The following GPR157 variants were observed in gnomAD, a reference collection of about 807,000 sequenced individuals.
The protein encoded by GPR157 is G protein-coupled receptor 157.
GPR157 carries 16 observed loss-of-function variants against 23.5 expected under a neutral mutation model. The ratio of observed to expected loss-of-function variants is 0.68; its 90% CI spans 0.46 to 1.04. GPR157 has a LOEUF of 1.04. GPR157 is among the 50% of genes least tolerant of loss of function. The pLI is 0.00. For missense variants in GPR157, 440 were observed against 460.7 expected (o/e 0.96, Z 0.41); for synonymous variants, 200 against 221.5 (o/e 0.90, Z 0.86).
intron 1 of GPR157, among the ~76,000 whole-genome samples, chr1:9,112,065 C>T (rs1638520347): frequency 2.6e-5 from 4 of 152,206 alleles, no homozygotes; most frequent in Admixed American, 6.5e-5. Flanking sequence ...TTGTGAGTCA[C>T]GTCCTGCTGT....
intron 2 of GPR157, 188 bp downstream of exon 2, chr1:9,111,088 C>T (rs143885094): frequency 2.1e-4 from 137 of 647,950 alleles, no homozygotes; most frequent in African/African-American, 1.6e-3. Flanking sequence ...AACCAATGCA[C>T]GATCCGTGTA....
In GPR157 at chr1:9,120,372, A is replaced by C. The variant is rs1355471298; in HGVS notation, c.383+8273T>G. Among the ~76,000 whole-genome samples the C allele has an allele frequency of 6.6e-6, 1 of 152,202 alleles. No homozygotes were observed. The highest frequency in any genetic ancestry group is 6.5e-5 in the Admixed American group (1 of 15,280). Reference sequence around the variant, plus strand: ...CTGGGCCAAACACAATGCCTGGTGTAGGTACCATGAGACCTGGGGATGTTA... The same window carrying C: ...CTGGGCCAAACACAATGCCTGGTGTCGGTACCATGAGACCTGGGGATGTTA... On this transcript the variant is annotated intron_variant, in intron 1 of 3. Transcript: ENST00000377411. The surrounding 1 kb of genome is among the most constrained non-coding windows in gnomAD (Gnocchi z 4.1).
At chr1:9,127,404 A>T (rs1315527599) in intron 1 of GPR157, among the ~76,000 whole-genome samples, 1 of 150,196 alleles carries the variant, frequency 6.7e-6, no homozygotes, top group Non-Finnish European at 1.5e-5. Context: ...TACAGCCTCG[A>T]CTCCTTCCAA....
rs372007595 is a variant in GPR157 at position 9,128,690 on chromosome 1, C to A, written c.338G>T (p.Arg113Leu). The A allele has an allele frequency of 2.6e-5, 42 of 1,613,110 alleles. No individual in the cohort carries two copies. Among genetic ancestry groups the A allele is most frequent in the Non-Finnish European group, 3.4e-5 (40 of 1,179,924 alleles). The change falls in exon 1 of 4, where the codon CGC becomes CTC. Residue 113 changes from arginine to leucine, a missense_variant. Physicochemically the swap from Arg to Leu is moderately radical, Grantham distance 102. Coordinates refer to ENST00000377411, the MANE Select transcript of GPR157 (RefSeq NM_024980.5). The surrounding 1 kb of genome is among the most constrained non-coding windows in gnomAD (Gnocchi z 6.3). ...AAGCAGGCGATCTGTGCGAGGCCCG[C>A]GCGCGGCGCGGACGATGCTGAGGTA... ...YLYLSIVRAA[R>L]GPRTDRLLWA...
chr1:9,105,459 G>T lies in GPR157; in HGVS notation c.792+27C>A. 6.6e-7 allele frequency: 1 copy of T among 1,518,266 alleles called. No homozygotes were observed. 94.0% of individuals were successfully genotyped at this position (1,518,266 alleles called of 1,614,324 possible). A position where few individuals can be genotyped will look rare whatever the true frequency, so the allele number is the denominator to read the frequency against. On this transcript the variant is annotated intron_variant, in intron 3 of 3. Coordinates refer to ENST00000377411, the MANE Select transcript of GPR157 (RefSeq NM_024980.5). This position sits in a 1 kb window ranked among gnomAD's most constrained non-coding sequence, Gnocchi z 4.8. ...CTGTGCCTCCTCTGGGGGCAGGGAC[G>T]ACAAGGGCCAGGGAGGGCAGACCTA...
chr1:9,127,269 A>G (rs997343886), intron 1 of GPR157, among the ~76,000 whole-genome samples: 4 of 152,122 alleles, frequency 2.6e-5, no homozygotes, highest in Admixed American at 6.5e-5. Context: ...CCCCCAACTC[A>G]GGTTTGCTGG....
At position 9,105,005 on chromosome 1, in the gene GPR157, C is replaced by CT. The variant is rs1360906784; in HGVS notation, c.793-372_793-371insA. ...ACAAAGCCAGACTCTGTCCCCGCAC[C>CT]CCCCCCCAAAAAAGAGAAATGGCTG... is the stretch of plus-strand genomic sequence containing the variant. On this transcript the variant is annotated intron_variant, in intron 3 of 3. Transcript: ENST00000377411. This position sits in a 1 kb window ranked among gnomAD's most constrained non-coding sequence, Gnocchi z 4.8. Among the ~76,000 whole-genome samples the CT allele has an allele frequency of 7.1e-6, 1 of 140,674 alleles. No homozygotes were observed. The highest frequency in any genetic ancestry group is 2.4e-4 in the South Asian group (1 of 4,244). 92.3% of individuals were successfully genotyped at this position (140,674 alleles called of 152,430 possible). A position where few individuals can be genotyped will look rare whatever the true frequency, so the allele number is the denominator to read the frequency against.
rs61785838 is a variant in GPR157, at chr1:9,125,885, C to A, written c.383+2760G>T. On this transcript the variant is annotated intron_variant, in intron 1 of 3. Transcript: ENST00000377411. ...AGGGGTATGAACCAAATACTTTCTA[C>A]AAAGACTATTTCAATTCACACCATC... is the stretch of plus-strand genomic sequence containing the variant. 3.7e-3 allele frequency among the ~76,000 whole-genome samples: 568 copies of A among 151,762 alleles called. 4 individuals carry two copies. Among genetic ancestry groups the A allele is most frequent in the African/African-American group, 0.013 (530 of 41,380 alleles).
At position 9,104,518 on chromosome 1, in the gene GPR157, G is replaced by T; in HGVS notation, c.909C>A (p.Pro303=). 6.2e-7 allele frequency: 1 copy of T among 1,613,884 alleles called. No individual in the cohort carries two copies. The highest frequency in any genetic ancestry group is 1.7e-5 in the Admixed American group (1 of 60,006). The change falls in exon 4 of 4, where the codon CCC becomes CCA. Residue 303 remains proline, a synonymous_variant. Transcript: ENST00000377411. ...TGGGAGTGCCAGCCGGGCTCTTGGT[G>T]GGAGGCTGAGAAGAGCAGCAGCAGC... ...LCCCCCSSQP[P]TKSPAGTPKA... is the part of the protein sequence containing the mutation.
At chr1:9,119,907 G>A (rs190148505) in intron 1 of GPR157, among the ~76,000 whole-genome samples, 2 of 152,282 alleles carry the variant, frequency 1.3e-5, no homozygotes, top group Admixed American at 1.3e-4. Flanking sequence ...GCGTGGTGTC[G>A]TGGTGTCGGT....
At chr1:9,124,172 C>A (rs1380754755) in intron 1 of GPR157, among the ~76,000 whole-genome samples, 2 of 152,174 alleles carry the variant, frequency 1.3e-5, no homozygotes, top group South Asian at 4.1e-4. Flanking sequence ...GTTTTTAAAA[C>A]CTGTTACAGC....
Position 9,105,568 on chromosome 1 carries a change from A to T in GPR157, c.710T>A (p.Leu237His). 6.2e-7 allele frequency: 1 copy of T among 1,608,258 alleles called. No individual in the cohort carries two copies. Among genetic ancestry groups the T allele is most frequent in the Non-Finnish European group, 8.5e-7 (1 of 1,178,062 alleles). The change falls in exon 3 of 4, where the codon CTC (leucine) becomes CAC (histidine). Residue 237 changes from leucine to histidine, a missense_variant. Coordinates refer to ENST00000377411, the MANE Select transcript of GPR157 (RefSeq NM_024980.5). The surrounding 1 kb of genome is among the most constrained non-coding windows in gnomAD (Gnocchi z 4.8). ...LVLIPLIFIG[L>H]RVWSTVRFVL... Reference sequence around the variant, plus strand: ...GAACCGCACGGTGCTCCAGACCCTGAGGCCGATGAAGATGAGCGGGATGAG... The same window carrying T: ...GAACCGCACGGTGCTCCAGACCCTGTGGCCGATGAAGATGAGCGGGATGAG...
intron 1 of GPR157, among the ~76,000 whole-genome samples, chr1:9,117,275 GGAGATGACAGTGCCCCAGGTTCCTGACTA>G (rs1346469894): frequency 6.6e-6 from 1 of 152,158 alleles, no homozygotes; most frequent in Non-Finnish European, 1.5e-5. Flanking sequence ...AAAACGATAA[GGAGATGACAGTGCCCCAGGTTCCTGACTA>G]CAGGGTAAGG....
In GPR157 at chr1:9,128,256, C is replaced by T; in HGVS notation, c.383+389G>A. On this transcript the variant is annotated intron_variant, in intron 1 of 3. Transcript: ENST00000377411. This position sits in a 1 kb window ranked among gnomAD's most constrained non-coding sequence, Gnocchi z 6.3. The stretch of plus-strand genomic sequence containing the variant: ...ACTGGCAGTTGCCGGCTCTCCAGCC[C>T]GGGACAGTTACCTAACTCGTCTCCC... 1 of 497,170 alleles carries T rather than the reference C, an allele frequency of 2.0e-6. No homozygotes were observed. The highest frequency in any genetic ancestry group is 3.9e-6 in the Non-Finnish European group (1 of 254,404). The allele number at this position is 497,170 out of a possible 1,614,324, so 30.8% of individuals were successfully genotyped here.
At chr1:9,115,658 T>C (rs1638619418) in intron 1 of GPR157, among the ~76,000 whole-genome samples, 1 of 152,048 alleles carries the variant, frequency 6.6e-6, no homozygotes, top group Admixed American at 6.6e-5. Flanking sequence ...TCTCCTTACC[T>C]CTTTTTTACA....
At chr1:9,104,713 C>T (rs576918676) in intron 3 of GPR157, 79 bp from the exon 4 acceptor site, 279 of 1,111,430 alleles carry the variant, frequency 2.5e-4, no homozygotes, top group Non-Finnish European at 3.3e-4. Flanking sequence ...TTAAGAGAAA[C>T]GGCTAGGCTG....
At chr1:9,119,030 C>CTTT (rs775520071) in intron 1 of GPR157, among the ~76,000 whole-genome samples, 15 of 113,238 alleles carry the variant, frequency 1.3e-4, no homozygotes, top group South Asian at 2.9e-4. Flanking sequence ...GAGACCCTGC[C>CTTT]TTTTTTTTTT....
chr1:9,123,790 A>ATATGT, intron 1 of GPR157, among the ~76,000 whole-genome samples: 1 of 129,782 alleles, frequency 7.7e-6, no homozygotes, highest in Non-Finnish European at 1.6e-5. Flanking sequence ...ATATATATTT[A>ATATGT]ATATTATATA....
intron 1 of GPR157, among the ~76,000 whole-genome samples, chr1:9,123,514 T>TCTTTA (rs1464569117): frequency 3.8e-5 from 4 of 104,102 alleles, no homozygotes; most frequent in African/African-American, 1.7e-4. Context: ...TCAAAATATA[T>TCTTTA]ATTTAATTTA....
Sources: allele counts gnomAD v4.1 joint callset (sites outside exome capture counted in the v4.1 genomes callset), GRCh38; gene constraint gnomAD v4.1.1; non-coding constraint Gnocchi (gnomAD v3.1); transcripts MANE v1.5; gene names NCBI Gene and HGNC (gene_info 2026-07-23, HGNC 2026-07-21).